NKAIN3: variants seen among roughly 807,000 people sequenced by gnomAD.
NKAIN3 encodes sodium/potassium transporting ATPase interacting 3.
In NKAIN3, 25 loss-of-function variants were observed where a neutral mutation model predicts 30.2. That is an observed-to-expected ratio of 0.83 (90% CI 0.60 to 1.16). The LOEUF (loss-of-function observed/expected upper bound fraction) is 1.16, where lower values mean the gene tolerates loss of function less well. Among genes scored for constraint, NKAIN3 ranks in the 50% most tolerant of loss-of-function variants. The pLI, the probability that NKAIN3 is intolerant of heterozygous loss-of-function variation, is 0.00. For missense variants in NKAIN3, 225 were observed against 254.1 expected (o/e 0.89, Z 0.78); for synonymous variants, 91 against 89.6 (o/e 1.02, Z -0.09).
At chr8:62,251,384 T>C (rs1812098653) in intron 1 of NKAIN3, among the ~76,000 whole-genome samples, 1 of 152,154 alleles carries the variant, frequency 6.6e-6, no homozygotes, top group South Asian at 2.1e-4. Context: ...GTAAAATATG[T>C]AATAGTCTTT....
At chr8:62,789,881 G>T (rs1012663272) in intron 4 of NKAIN3, among the ~76,000 whole-genome samples, 2 of 152,132 alleles carry the variant, frequency 1.3e-5, no homozygotes, top group Admixed American at 6.6e-5. Flanking sequence ...TCTACCAGAG[G>T]TATAAGGAGG....
At chr8:62,691,012 G>A (rs975305300) in intron 3 of NKAIN3, among the ~76,000 whole-genome samples, 5 of 152,104 alleles carry the variant, frequency 3.3e-5, no homozygotes, top group African/African-American at 1.2e-4. Flanking sequence ...ATGCAGGTTC[G>A]TATCAGGGCT....
chr8:62,360,048 C>T (rs1404943705), intron 1 of NKAIN3, among the ~76,000 whole-genome samples: 1 of 152,184 alleles, frequency 6.6e-6, no homozygotes, highest in East Asian at 1.9e-4. Context: ...GAGCATAAGA[C>T]AGTCTCTCTC....
At chr8:62,490,627 T>A (rs1164663883) in intron 1 of NKAIN3, among the ~76,000 whole-genome samples, 1 of 152,188 alleles carries the variant, frequency 6.6e-6, no homozygotes. Flanking sequence ...AATATATGTT[T>A]ACTTACAAGA....
At chr8:62,539,516 T>C (rs1808773263) in intron 1 of NKAIN3, among the ~76,000 whole-genome samples, 1 of 152,172 alleles carries the variant, frequency 6.6e-6, no homozygotes, top group African/African-American at 2.4e-5. Context: ...GATTCAGAGT[T>C]TCTTCTGATC....
At chr8:62,575,908 T>A (rs138686929) in intron 1 of NKAIN3, among the ~76,000 whole-genome samples, 3 of 152,220 alleles carry the variant, frequency 2.0e-5, no homozygotes, top group African/African-American at 7.2e-5. Flanking sequence ...AAACTGAGTA[T>A]CCATATGCAG....
chr8:62,689,513 T>C (rs1813895783), intron 3 of NKAIN3, among the ~76,000 whole-genome samples: 2 of 152,212 alleles, frequency 1.3e-5, no homozygotes. Context: ...GAATTTGCAC[T>C]CTTTACCCCA....
intron 4 of NKAIN3, among the ~76,000 whole-genome samples, chr8:62,904,492 C>T (rs1455581): frequency 6.6e-6 from 1 of 151,958 alleles, no homozygotes; most frequent in South Asian, 2.1e-4. Flanking sequence ...AGTGCATGAT[C>T]CACACAATAT....
chr8:62,677,405 G>A lies in NKAIN3; in HGVS notation c.274-69527G>A, dbSNP rs187828065. On this transcript the variant is annotated intron_variant, in intron 3 of 6. Coordinates refer to ENST00000623646, the MANE Select transcript of NKAIN3 (RefSeq NM_001304533.3). ...TATAGAGTATTGGATGTGAGAAGGG[G>A]GCATAACTCAGGGATACACTACTTT... is the stretch of plus-strand genomic sequence containing the variant. 1.4e-4 allele frequency among the ~76,000 whole-genome samples: 21 copies of A among 152,296 alleles called. No homozygotes were observed. The East Asian group carries it at 2.5e-3, about 18-fold the overall frequency.
At chr8:62,586,185 T>C (rs1810467129) in intron 2 of NKAIN3, among the ~76,000 whole-genome samples, 1 of 152,212 alleles carries the variant, frequency 6.6e-6, no homozygotes, top group African/African-American at 2.4e-5. Context: ...AATTGTTATA[T>C]AGCAAAATTT....
Position 62,504,692 on chromosome 8 carries a change from C to T in NKAIN3, c.55-74847C>T, listed in dbSNP as rs150299663. ...TTTCTGTTTTCATTTTCAGGAAACACAGCAATACTCAGGTTATTCTTCTTA... is the reference window on the plus strand; with the variant it reads ...TTTCTGTTTTCATTTTCAGGAAACATAGCAATACTCAGGTTATTCTTCTTA... On this transcript the variant is annotated intron_variant, in intron 1 of 6. Coordinates refer to ENST00000623646, the MANE Select transcript of NKAIN3 (RefSeq NM_001304533.3). Among the ~76,000 whole-genome samples, 27 of 152,268 alleles carry T rather than the reference C, an allele frequency of 1.8e-4. No individual in the cohort carries two copies. The East Asian group carries it at 4.4e-3, about 25-fold the overall frequency.
At chr8:62,312,493 C>T (rs1814475626) in intron 1 of NKAIN3, among the ~76,000 whole-genome samples, 1 of 150,448 alleles carries the variant, frequency 6.6e-6, no homozygotes, top group Non-Finnish European at 1.5e-5. Flanking sequence ...TATGCAACCT[C>T]CTCAGCATGA....
chr8:62,606,591 A>C (rs1811139748), intron 3 of NKAIN3, among the ~76,000 whole-genome samples: 1 of 152,046 alleles, frequency 6.6e-6, no homozygotes, highest in Non-Finnish European at 1.5e-5. Flanking sequence ...ACAGAAATTC[A>C]ATTTGGTTGA....
intron 4 of NKAIN3, among the ~76,000 whole-genome samples, chr8:62,902,867 C>A (rs142198717): frequency 3.9e-5 from 6 of 152,260 alleles, no homozygotes; most frequent in East Asian, 1.9e-4. Context: ...ACAAAAAAAT[C>A]TTAGGCAATG....
intron 1 of NKAIN3, among the ~76,000 whole-genome samples, chr8:62,307,598 C>G (rs1814291150): frequency 6.6e-6 from 1 of 150,600 alleles, no homozygotes; most frequent in Non-Finnish European, 1.5e-5. Context: ...CAGTTTAACT[C>G]CACATGTATG....
intron 5 of NKAIN3, among the ~76,000 whole-genome samples, chr8:62,935,264 T>TA (rs1202363511): frequency 6.6e-6 from 1 of 152,174 alleles, no homozygotes. Context: ...GATCATTATG[T>TA]AATCCTACAT....
intron 4 of NKAIN3, among the ~76,000 whole-genome samples, chr8:62,842,211 A>G (rs1160264115): frequency 6.6e-6 from 1 of 152,066 alleles, no homozygotes; most frequent in Non-Finnish European, 1.5e-5. Context: ...AACCCTTACT[A>G]GATATATGAG....
At chr8:62,858,165 T>C (rs1166506774) in intron 4 of NKAIN3, among the ~76,000 whole-genome samples, 1 of 152,138 alleles carries the variant, frequency 6.6e-6, no homozygotes, top group Non-Finnish European at 1.5e-5. Context: ...CCGTTTTTCC[T>C]GTACCTGGAG....
At chr8:62,883,343 A>G (rs1264605262) in intron 4 of NKAIN3, among the ~76,000 whole-genome samples, 1 of 151,902 alleles carries the variant, frequency 6.6e-6, no homozygotes, top group Non-Finnish European at 1.5e-5. Flanking sequence ...TGTGTTTTTA[A>G]TTGCAAATGC....
Sources: allele counts gnomAD v4.1 joint callset (sites outside exome capture counted in the v4.1 genomes callset), GRCh38; gene constraint gnomAD v4.1.1; transcripts MANE v1.5; gene names NCBI Gene and HGNC (gene_info 2026-07-23, HGNC 2026-07-21).